Variants in PTPRD observed in about 807,000 individuals in gnomAD.
PTPRD encodes receptor-type tyrosine-protein phosphatase delta.
A neutral mutation model predicts 214.5 loss-of-function variants in PTPRD; 34 were observed. The ratio of observed to expected loss-of-function variants is 0.16; its 90% CI spans 0.12 to 0.21. The LOEUF (loss-of-function observed/expected upper bound fraction) is 0.21, where lower values mean the gene tolerates loss of function less well. Among genes scored for constraint, PTPRD ranks in the 10% least tolerant of loss-of-function variants. PTPRD has a pLI of 1.00. For missense variants in PTPRD, 2,545 were observed against 2,398.7 expected, an observed-to-expected ratio of 1.06 and a Z score of -1.27; for synonymous variants, 1,128 against 845.7, an observed-to-expected ratio of 1.33 and a Z score of -5.79.
intron 6 of PTPRD, among the ~76,000 whole-genome samples, chr9:9,736,880 G>A (rs2098306804): frequency 6.6e-6 from 1 of 151,736 alleles, no homozygotes; most frequent in Admixed American, 6.6e-5. Context: ...CTACTCCATG[G>A]CTTCCTTTTT....
At chr9:9,874,718 G>A (rs986023018) in intron 5 of PTPRD, among the ~76,000 whole-genome samples, 1 of 152,034 alleles carries the variant, frequency 6.6e-6, no homozygotes, top group Admixed American at 6.6e-5. Context: ...TTATTACTCA[G>A]CACAAGACGG....
Position 9,635,408 on chromosome 9 carries a change from T to G in PTPRD, c.-286-60627A>C, listed in dbSNP as rs185491435. 4.6e-3 allele frequency among the ~76,000 whole-genome samples: 693 copies of G among 152,302 alleles called. 2 individuals are homozygous for G. The highest frequency in any genetic ancestry group is 5.9e-3 in the Non-Finnish European group (402 of 68,034). On this transcript the variant is annotated intron_variant, in intron 7 of 45. Transcript: ENST00000381196. ...CGCACCAAGTGGCTCCCGAACTTTA[T>G]TGTAAGGTCTAGTGCTTCCTATAGA... is the stretch of plus-strand genomic sequence containing the variant.
At chr9:10,277,799 C>G (rs551786989) in intron 3 of PTPRD, among the ~76,000 whole-genome samples, 2 of 152,132 alleles carry the variant, frequency 1.3e-5, no homozygotes, top group East Asian at 3.9e-4. Context: ...AAATCCTTCC[C>G]CAAGGAGATT....
intron 5 of PTPRD, among the ~76,000 whole-genome samples, chr9:9,847,114 A>G (rs918048470): frequency 1.3e-5 from 2 of 152,200 alleles, no homozygotes; most frequent in African/African-American, 4.8e-5. Flanking sequence ...AATACTCTTA[A>G]GTAGAACGAA....
chr9:8,505,456 C>A lies in PTPRD; in HGVS notation c.1678-1051G>T, dbSNP rs563379851. 3.7e-4 allele frequency among the ~76,000 whole-genome samples: 56 copies of A among 151,474 alleles called. No homozygotes were observed. In the South Asian group the frequency reaches 4.8e-3, roughly 13 times the overall value. ...GCTAACATGGTGAAATCCCATCTCT[C>A]CTAAAAATACAAAAAATTAGCCGGG... On this transcript the variant is annotated intron_variant, in intron 22 of 45. Coordinates refer to ENST00000381196, the MANE Select transcript of PTPRD (RefSeq NM_002839.4).
chr9:10,183,596 CT>C (rs200335694), intron 3 of PTPRD, among the ~76,000 whole-genome samples: 4 of 151,912 alleles, frequency 2.6e-5, no homozygotes, highest in South Asian at 2.1e-4. Context: ...TAATTTCTTT[CT>C]TTTTTTTCAC....
intron 43 of PTPRD, among the ~76,000 whole-genome samples, chr9:8,332,276 T>G (rs902514012): frequency 4.3e-4 from 65 of 152,098 alleles, no homozygotes; most frequent in African/African-American, 1.3e-3. Context: ...AAATGACAAA[T>G]GGTGAAATTT....
At chr9:10,442,483 A>G (rs1347987366) in intron 2 of PTPRD, among the ~76,000 whole-genome samples, 2 of 151,602 alleles carry the variant, frequency 1.3e-5, no homozygotes, top group East Asian at 3.9e-4. Flanking sequence ...AGAAGGGGCA[A>G]TCCAACAGAT....
At chr9:9,204,741 G>C (rs902716626) in intron 9 of PTPRD, among the ~76,000 whole-genome samples, 6 of 152,144 alleles carry the variant, frequency 3.9e-5, no homozygotes, top group African/African-American at 1.4e-4. Flanking sequence ...GTACAGCCTT[G>C]TAAAAATAGC....
In PTPRD at chr9:9,069,996, G is replaced by A. The variant is rs1042359703; in HGVS notation, c.-142-51261C>T. The stretch of plus-strand genomic sequence containing the variant: ...TGTCTGTGAGAGAACAGAGTTTAAA[G>A]TAAATCAACACTTCACTGGAAAATA... On this transcript the variant is annotated intron_variant, in intron 10 of 45. Transcript: ENST00000381196. Among the ~76,000 whole-genome samples, 17 of 152,302 alleles carry A rather than the reference G, an allele frequency of 1.1e-4. No homozygotes were observed. In the East Asian group the frequency reaches 2.7e-3, roughly 24 times the overall value.
chr9:10,068,002 A>G (rs1019775157), intron 3 of PTPRD, among the ~76,000 whole-genome samples: 1 of 151,938 alleles, frequency 6.6e-6, no homozygotes, highest in African/African-American at 2.4e-5. Context: ...CTGAATCACA[A>G]TTTAAACTTT....
At chr9:9,762,867 A>T (rs570286809) in intron 6 of PTPRD, among the ~76,000 whole-genome samples, 86 of 152,340 alleles carry the variant, frequency 5.6e-4, no homozygotes, top group African/African-American at 2.0e-3. Context: ...ACCATAGACC[A>T]AGTGGCTTAA....
chr9:9,677,616 T>C (rs997606295), intron 7 of PTPRD, among the ~76,000 whole-genome samples: 1 of 152,184 alleles, frequency 6.6e-6, no homozygotes, highest in African/African-American at 2.4e-5. Context: ...AGTATCATAC[T>C]GAATGGACAA....
chr9:8,327,022 C>G (rs13285902), intron 44 of PTPRD, among the ~76,000 whole-genome samples: 4,275 of 123,986 alleles, frequency 0.034, 461 homozygotes, highest in South Asian at 0.13. Context: ...TTTTTCGTGT[C>G]TCTATCTCCT....
chr9:9,163,015 C>T (rs1023195102), intron 10 of PTPRD, among the ~76,000 whole-genome samples: 4 of 152,116 alleles, frequency 2.6e-5, no homozygotes, highest in African/African-American at 9.7e-5. Flanking sequence ...GTGCCTCCTT[C>T]CGCACCAGCT....
chr9:9,247,031 C>A (rs903416573), intron 9 of PTPRD, among the ~76,000 whole-genome samples: 1 of 141,908 alleles, frequency 7.0e-6, no homozygotes, highest in African/African-American at 2.7e-5. Flanking sequence ...ATTCCTCTTT[C>A]CCAAGATAAG....
Position 9,451,423 on chromosome 9 carries a change from T to C in PTPRD, c.-236-53941A>G, listed in dbSNP as rs558744909. Among the ~76,000 whole-genome samples, 5 of 151,882 alleles carry C rather than the reference T, an allele frequency of 3.3e-5. No individual in the cohort carries two copies. The South Asian group carries it at 6.2e-4, about 19-fold the overall frequency. The stretch of plus-strand genomic sequence containing the variant: ...AATTCATGCAATTTTGCAGTTTGTT[T>C]CCATTTTTGTGTTACCTATTGAGCA... On this transcript the variant is annotated intron_variant, in intron 8 of 45. Transcript: ENST00000381196.
chr9:9,863,466 C>T (rs1267949686), intron 5 of PTPRD, among the ~76,000 whole-genome samples: 1 of 152,068 alleles, frequency 6.6e-6, no homozygotes, highest in Non-Finnish European at 1.5e-5. Context: ...CAGTTTCCAC[C>T]TCATCTTTCT....
chr9:8,351,144 C>T (rs2075327397), intron 39 of PTPRD, among the ~76,000 whole-genome samples: 1 of 152,082 alleles, frequency 6.6e-6, no homozygotes, highest in Non-Finnish European at 1.5e-5. Context: ...AAGAATGAAG[C>T]GAATCCATGT....
Sources: allele counts gnomAD v4.1 joint callset (sites outside exome capture counted in the v4.1 genomes callset), GRCh38; gene constraint gnomAD v4.1.1; transcripts MANE v1.5; gene names NCBI Gene and HGNC (gene_info 2026-07-23, HGNC 2026-07-21).